Variants in MTUS2 observed in about 807,000 individuals in gnomAD.
MTUS2 encodes the protein microtubule-associated tumor suppressor candidate 2.
MTUS2 carries 40 observed loss-of-function variants against 114.1 expected under a neutral mutation model. The ratio of observed to expected loss-of-function variants is 0.35; its 90% CI spans 0.27 to 0.46. The LOEUF (loss-of-function observed/expected upper bound fraction) is 0.46, where lower values mean the gene tolerates loss of function less well. Ranked by LOEUF, MTUS2 falls within the 20% of genes least tolerant of loss-of-function variation. The probability of loss-of-function intolerance (pLI) is 1.00; values close to 1 mark genes in which losing one functional copy is unlikely to be tolerated. For missense variants in MTUS2, 1,679 were observed against 1,705.4 expected (o/e 0.98, Z 0.27); for synonymous variants, 688 against 672.0 (o/e 1.02, Z -0.37).
At chr13:28,995,537 G>C (rs1446016289) in intron 2 of MTUS2, among the ~76,000 whole-genome samples, 3 of 152,066 alleles carry the variant, frequency 2.0e-5, no homozygotes, top group Non-Finnish European at 2.9e-5. Flanking sequence ...CATGAGCATG[G>C]AATGTTCTTC....
At chr13:29,461,600 A>G (rs1320135448) in intron 9 of MTUS2, among the ~76,000 whole-genome samples, 1 of 152,212 alleles carries the variant, frequency 6.6e-6, no homozygotes, top group African/African-American at 2.4e-5. Flanking sequence ...TGGAAACAGG[A>G]CAATTTGCTT....
intron 3 of MTUS2, among the ~76,000 whole-genome samples, chr13:29,031,307 G>GCCTC (rs1886812832): frequency 6.7e-6 from 1 of 149,404 alleles, no homozygotes; most frequent in African/African-American, 2.5e-5. Context: ...CTATACTTAT[G>GCCTC]TCTCTCAATA....
chr13:29,320,462 G>A (rs761950149), intron 6 of MTUS2, among the ~76,000 whole-genome samples: 4 of 152,198 alleles, frequency 2.6e-5, no homozygotes, highest in African/African-American at 9.7e-5. Context: ...AAAACAGAAT[G>A]AGCTGAAATT....
chr13:29,067,806 G>T (rs1888730030), intron 4 of MTUS2, among the ~76,000 whole-genome samples: 2 of 152,128 alleles, frequency 1.3e-5, no homozygotes, highest in African/African-American at 2.4e-5. Context: ...GCCCTCCAGA[G>T]AACAGGAAAT....
intron 5 of MTUS2, among the ~76,000 whole-genome samples, chr13:29,273,560 C>G (rs1351465878): frequency 6.6e-6 from 1 of 152,110 alleles, no homozygotes; most frequent in Non-Finnish European, 1.5e-5. Flanking sequence ...AGACATAATT[C>G]AAGTACCGTA....
At position 29,082,517 on chromosome 13, in the gene MTUS2, C is replaced by T. The variant is rs982165572; in HGVS notation, c.2447-18256C>T. ...CCAAATCTTAAAGGGGTGACCTCCT[C>T]CAGCACTGTGGCATCAGGCAAAGGT... On this transcript the variant is annotated intron_variant, in intron 4 of 15. Coordinates refer to ENST00000612955, the MANE Select transcript of MTUS2 (RefSeq NM_001033602.4). 3.3e-5 allele frequency among the ~76,000 whole-genome samples: 5 copies of T among 152,314 alleles called. No homozygotes were observed. In the East Asian group the frequency reaches 7.7e-4, roughly 24 times the overall value.
At chr13:29,178,673 A>G (rs976785180) in intron 5 of MTUS2, among the ~76,000 whole-genome samples, 1 of 152,112 alleles carries the variant, frequency 6.6e-6, no homozygotes, top group African/African-American at 2.4e-5. Context: ...CCAAAAGGAC[A>G]GAATTATTAA....
chr13:29,493,056 G>C (rs1201132568), intron 12 of MTUS2, among the ~76,000 whole-genome samples: 1 of 152,202 alleles, frequency 6.6e-6, no homozygotes, highest in Admixed American at 6.5e-5. Flanking sequence ...GAGGAGGACT[G>C]GGGGAAGAGA....
chr13:28,853,376 G>A (rs1207119123), intron 2 of MTUS2, among the ~76,000 whole-genome samples: 1 of 152,238 alleles, frequency 6.6e-6, no homozygotes, highest in Non-Finnish European at 1.5e-5. Flanking sequence ...TAGAACGGCA[G>A]TGGCCGGAGT....
At chr13:29,352,773 TCA>T (rs1869401000) in intron 7 of MTUS2, among the ~76,000 whole-genome samples, 1 of 152,232 alleles carries the variant, frequency 6.6e-6, no homozygotes, top group Non-Finnish European at 1.5e-5. Context: ...TTTGGTTGTT[TCA>T]CTTTTTGCCT....
intron 2 of MTUS2, among the ~76,000 whole-genome samples, chr13:29,003,764 C>T (rs1348545653): frequency 6.6e-6 from 1 of 152,152 alleles, no homozygotes. Context: ...TAGACAAGAG[C>T]AAGGGAGTGC....
chr13:28,956,000 C>T (rs1883042886), intron 2 of MTUS2, among the ~76,000 whole-genome samples: 1 of 151,390 alleles, frequency 6.6e-6, no homozygotes, highest in Non-Finnish European at 1.5e-5. Context: ...GATTTTGGTG[C>T]ACCCGTTACC....
chr13:28,898,844 T>C (rs1234846133), intron 2 of MTUS2, among the ~76,000 whole-genome samples: 2 of 152,248 alleles, frequency 1.3e-5, no homozygotes, highest in Non-Finnish European at 2.9e-5. Context: ...TGAGCTATGA[T>C]GTGTGGATCA....
At chr13:29,129,580 ATT>A (rs1337850553) in intron 5 of MTUS2, among the ~76,000 whole-genome samples, 9 of 94,066 alleles carry the variant, frequency 9.6e-5, no homozygotes, top group African/African-American at 3.0e-4. Flanking sequence ...TTATTGATAT[ATT>A]TGTTCATATT....
intron 5 of MTUS2, among the ~76,000 whole-genome samples, chr13:29,116,402 G>A (rs1891085772): frequency 6.6e-6 from 1 of 152,070 alleles, no homozygotes; most frequent in Admixed American, 6.6e-5. Flanking sequence ...TATATCAGGG[G>A]ACTTAGTCTA....
At chr13:29,054,129 T>A (rs1432850686) in intron 4 of MTUS2, among the ~76,000 whole-genome samples, 2 of 152,210 alleles carry the variant, frequency 1.3e-5, no homozygotes, top group Non-Finnish European at 2.9e-5. Context: ...TGGCAATATC[T>A]CATTTTAGTT....
intron 2 of MTUS2, among the ~76,000 whole-genome samples, chr13:28,849,466 C>A (rs773253966): frequency 3.9e-5 from 6 of 152,114 alleles, no homozygotes; most frequent in Non-Finnish European, 4.4e-5. Context: ...AACAGCTGCA[C>A]CAAAAAGCAA....
intron 5 of MTUS2, among the ~76,000 whole-genome samples, chr13:29,264,065 C>T (rs1369487522): frequency 5.3e-5 from 8 of 152,216 alleles, no homozygotes; most frequent in Non-Finnish European, 1.2e-4. Context: ...AACAAATTAT[C>T]GACTTCCAAT....
intron 2 of MTUS2, among the ~76,000 whole-genome samples, chr13:28,846,007 T>A (rs888503034): frequency 6.6e-6 from 1 of 150,514 alleles, no homozygotes; most frequent in African/African-American, 2.4e-5. Flanking sequence ...CTTGCTAATT[T>A]AACTGCTTTT....
Sources: allele counts gnomAD v4.1 joint callset (sites outside exome capture counted in the v4.1 genomes callset), GRCh38; gene constraint gnomAD v4.1.1; transcripts MANE v1.5; gene names NCBI Gene and HGNC (gene_info 2026-07-23, HGNC 2026-07-21).